The following TRIM71 variants were observed in gnomAD, a reference collection of about 807,000 sequenced individuals.
TRIM71 encodes E3 ubiquitin-protein ligase TRIM71.
A neutral mutation model predicts 61.2 loss-of-function variants in TRIM71; 9 were observed. That is an observed-to-expected ratio of 0.15 (90% CI 0.09 to 0.26). TRIM71 has a LOEUF of 0.26. Among genes scored for constraint, TRIM71 ranks in the 10% least tolerant of loss-of-function variants. The pLI, the probability that TRIM71 is intolerant of heterozygous loss-of-function variation, is 1.00. For synonymous variants in TRIM71, 645 were observed against 553.2 expected (o/e 1.17, Z -2.33); for missense variants, 998 against 1,238.7 (o/e 0.81, Z 2.92).
chr3:32,862,886 T>C (rs968038222), intron 1 of TRIM71, among the ~76,000 whole-genome samples: 1 of 152,120 alleles, frequency 6.6e-6, no homozygotes, highest in Non-Finnish European at 1.5e-5. Context: ...GGGTTCTAAT[T>C]TTTTCAAAAC....
chr3:32,891,422 G>C lies in TRIM71; in HGVS notation c.2218G>C (p.Glu740Gln). 4 of 1,614,002 alleles carry C rather than the reference G, an allele frequency of 2.5e-6. No homozygotes were observed. The highest frequency in any genetic ancestry group is 2.2e-5 in the South Asian group (2 of 91,082). ...DGVFLNKYGF[E>Q]GALWKHFDSP... ...TGTCTTCCTAAACAAGTATGGCTTC[G>C]AGGGGGCTCTCTGGAAGCACTTTGA... is the stretch of plus-strand genomic sequence containing the variant. The change falls in exon 4 of 4, where the codon GAG (glutamate) becomes CAG (glutamine). Residue 740 changes from glutamate (E) to glutamine (Q), a missense_variant. Physicochemically the swap from Glu to Gln is conservative, Grantham distance 29. Around this residue, in one of 5 missense-constraint regions of TRIM71, gnomAD observed 83 missense variants for 202.7 expected, o/e 0.41. Transcript: ENST00000383763. This position sits in a 1 kb window ranked among gnomAD's most constrained non-coding sequence, Gnocchi z 8.2.
At chr3:32,874,354 CT>C (rs1232948653) in intron 2 of TRIM71, among the ~76,000 whole-genome samples, 8 of 149,096 alleles carry the variant, frequency 5.4e-5, no homozygotes, top group Non-Finnish European at 8.8e-5. Flanking sequence ...ACTACTACTA[CT>C]ACTACTACTA....
intron 1 of TRIM71, among the ~76,000 whole-genome samples, chr3:32,824,813 G>T (rs75376087): frequency 6.6e-6 from 1 of 151,516 alleles, no homozygotes; most frequent in South Asian, 2.1e-4. Flanking sequence ...TTTTTTTCTT[G>T]AGATGGAGTC....
In TRIM71 at chr3:32,868,504, T is replaced by G. The variant is rs182763377; in HGVS notation, c.853-5314T>G. 5.5e-3 allele frequency among the ~76,000 whole-genome samples: 831 copies of G among 152,308 alleles called. 12 individuals are homozygous for G. Among genetic ancestry groups the G allele is most frequent in the Non-Finnish European group, 8.8e-3 (597 of 68,022 alleles). ...CTCATTAAGTTGTGGTACATTCATA[T>G]AGCAACATACCATGCAGCCATTCGG... On this transcript the variant is annotated intron_variant, in intron 1 of 3. Coordinates refer to ENST00000383763, the MANE Select transcript of TRIM71 (RefSeq NM_001039111.3).
intron 1 of TRIM71, among the ~76,000 whole-genome samples, chr3:32,850,869 C>G (rs950333181): frequency 6.6e-6 from 1 of 152,142 alleles, no homozygotes; most frequent in African/African-American, 2.4e-5. Flanking sequence ...TGATCAGATC[C>G]CGAAATCTCA....
Position 32,896,638 on chromosome 3 carries a change from T to C in TRIM71, c.*4827T>C, listed in dbSNP as rs1321518358. On this transcript the variant is annotated 3_prime_UTR_variant, in exon 4 of 4. Coordinates refer to ENST00000383763, the MANE Select transcript of TRIM71 (RefSeq NM_001039111.3). ...AAGAAATACCTCAATGATGTCTATT[T>C]TTAAAACTGATCTTACGGGTTAACA... is the stretch of plus-strand genomic sequence containing the variant. 1 of 152,218 alleles carries C rather than the reference T, an allele frequency of 6.6e-6. No homozygotes were observed. The highest frequency in any genetic ancestry group is 2.4e-5 in the African/African-American group (1 of 41,452). The allele number at this position is 152,218 out of a possible 1,614,324, so 9.4% of individuals were successfully genotyped here.
chr3:32,857,687 A>C (rs1441138571), intron 1 of TRIM71, among the ~76,000 whole-genome samples: 1 of 152,160 alleles, frequency 6.6e-6, no homozygotes, highest in African/African-American at 2.4e-5. Flanking sequence ...GAAAATAATA[A>C]TGGCCAGGTG....
At chr3:32,866,229 C>G (rs1696735459) in intron 1 of TRIM71, among the ~76,000 whole-genome samples, 1 of 151,758 alleles carries the variant, frequency 6.6e-6, no homozygotes, top group African/African-American at 2.4e-5. Flanking sequence ...AACCACTGCA[C>G]CAGGCCTTTT....
intron 1 of TRIM71, among the ~76,000 whole-genome samples, chr3:32,858,527 A>T (rs1696631002): frequency 6.6e-6 from 1 of 152,198 alleles, no homozygotes; most frequent in Non-Finnish European, 1.5e-5. Context: ...TCTCTAAAAC[A>T]GATGGAGTTG....
chr3:32,856,484 G>C (rs1030275777), intron 1 of TRIM71, among the ~76,000 whole-genome samples: 3 of 152,042 alleles, frequency 2.0e-5, no homozygotes, highest in Non-Finnish European at 4.4e-5. Context: ...TTGAGGGCAA[G>C]GACATCATAG....
chr3:32,837,498 T>TTAC (rs1696347348), intron 1 of TRIM71, among the ~76,000 whole-genome samples: 1 of 152,156 alleles, frequency 6.6e-6, no homozygotes, highest in African/African-American at 2.4e-5. Flanking sequence ...ATGTCCTGGC[T>TTAC]TACTACTGAT....
intron 2 of TRIM71, among the ~76,000 whole-genome samples, chr3:32,883,128 C>T (rs1696927319): frequency 6.6e-6 from 1 of 152,186 alleles, no homozygotes; most frequent in Non-Finnish European, 1.5e-5. Context: ...TGCTCTCTCT[C>T]GCTTTCTCTC....
At chr3:32,832,039 T>C (rs1484588878) in intron 1 of TRIM71, among the ~76,000 whole-genome samples, 1 of 152,224 alleles carries the variant, frequency 6.6e-6, no homozygotes, top group Non-Finnish European at 1.5e-5. Context: ...TGTTCCTTGC[T>C]TTAGTCTTGT....
chr3:32,825,520 G>A (rs76243176), intron 1 of TRIM71, among the ~76,000 whole-genome samples: 2,386 of 152,220 alleles, frequency 0.016, 34 homozygotes, highest in Middle Eastern at 0.065. Flanking sequence ...AGCAAATAAA[G>A]GACCATTTCA....
Position 32,891,867 on chromosome 3 carries a change from TC to T in TRIM71, c.*57del, listed in dbSNP as rs1431264381. Reference sequence around the variant, plus strand: ...GTGTGTGCGTGTCTCTCTCTCTCTCTCTCTCTTTCTCTTTCTCTCTCTTTTT... The same window carrying T: ...GTGTGTGCGTGTCTCTCTCTCTCTCTTCTCTTTCTCTTTCTCTCTCTTTTT... On this transcript the variant is annotated 3_prime_UTR_variant, in exon 4 of 4. Coordinates refer to ENST00000383763, the MANE Select transcript of TRIM71 (RefSeq NM_001039111.3). The surrounding 1 kb of genome is among the most constrained non-coding windows in gnomAD (Gnocchi z 8.2). 2.8e-5 allele frequency: 44 copies of T among 1,561,758 alleles called. No individual in the cohort carries two copies. The highest frequency in any genetic ancestry group is 9.5e-5 in the South Asian group (8 of 84,206).
Position 32,818,412 on chromosome 3 carries a change from C to T in TRIM71, c.332C>T (p.Ser111Leu). The stretch of plus-strand genomic sequence containing the variant: ...GCGGCGGGTATGGACGCGCTGCCTT[C>T]GTCCGCCTTCCTGCTTAGCAACCTG... ...AEAAGMDALP[S>L]SAFLLSNLLD... Residue 111 changes from serine (S) to leucine (L), a missense_variant, in exon 1 of 4, where the codon TCG becomes TTG. Coordinates refer to ENST00000383763, the MANE Select transcript of TRIM71 (RefSeq NM_001039111.3). 1 of 1,477,368 alleles carries T rather than the reference C, an allele frequency of 6.8e-7. No homozygotes were observed. The highest frequency in any genetic ancestry group is 8.9e-7 in the Non-Finnish European group (1 of 1,118,514). 91.5% of individuals were successfully genotyped at this position (1,477,368 alleles called of 1,614,324 possible). A position where few individuals can be genotyped will look rare whatever the true frequency, so the allele number is the denominator to read the frequency against.
At position 32,890,353 on chromosome 3, in the gene TRIM71, C is replaced by T. The variant is rs1697010938; in HGVS notation, c.1156-7C>T. 3.1e-6 allele frequency: 5 copies of T among 1,603,528 alleles called. No homozygotes were observed. Among genetic ancestry groups the T allele is most frequent in the Non-Finnish European group, 3.4e-6 (4 of 1,171,694 alleles). ...GTGTCTTTCTCCACTCTTGCTTTTC[C>T]CTCCAGGTAGAAAAGATCCGCCAGG... On this transcript the variant is annotated splice_polypyrimidine_tract_variant and splice_region_variant and intron_variant, in intron 3 of 3. Transcript: ENST00000383763. The surrounding 1 kb of genome is among the most constrained non-coding windows in gnomAD (Gnocchi z 6.2).
At chr3:32,869,817 A>G (rs111980798) in intron 1 of TRIM71, among the ~76,000 whole-genome samples, 2 of 152,150 alleles carry the variant, frequency 1.3e-5, no homozygotes, top group African/African-American at 4.8e-5. Flanking sequence ...GAGGGTGGTC[A>G]CTTGCAGGGT....
At chr3:32,867,176 C>CG (rs2125687028) in intron 1 of TRIM71, among the ~76,000 whole-genome samples, 1 of 152,054 alleles carries the variant, frequency 6.6e-6, no homozygotes, top group East Asian at 1.9e-4. Flanking sequence ...TTACCACCCC[C>CG]CTCCCCCTCC....
Sources: gnomAD v4.1 joint callset for allele counts (sites outside exome capture counted in the v4.1 genomes callset) on GRCh38, gnomAD v4.1.1 for gene constraint, gnomAD v4.1.1 regional missense constraint, Gnocchi (gnomAD v3.1) non-coding constraint, MANE v1.5 for transcripts, NCBI Gene and HGNC (gene_info 2026-07-23, HGNC 2026-07-21) for gene names.